Variants in ATXN10 observed in about 807,000 individuals in gnomAD.
ATXN10 encodes the protein ataxin-10.
Under a neutral mutation model 52.9 loss-of-function variants are expected in ATXN10, and 28 were observed. The ratio of observed to expected loss-of-function variants is 0.53; its 90% confidence interval spans 0.39 to 0.73. The LOEUF (loss-of-function observed/expected upper bound fraction) is 0.73, where lower values mean the gene tolerates loss of function less well. Among genes scored for constraint, ATXN10 ranks in the 30% least tolerant of loss-of-function variants. The pLI is 0.00. For missense variants in ATXN10, 565 were observed against 577.0 expected (o/e 0.98, Z 0.21); for synonymous variants, 226 against 221.5 (o/e 1.02, Z -0.18).
chr22:45,739,345 A>C (rs571806354), intron 8 of ATXN10, among the ~76,000 whole-genome samples: 1 of 152,358 alleles, frequency 6.6e-6, no homozygotes, highest in African/African-American at 2.4e-5. Flanking sequence ...AGCTGTTTGC[A>C]AAATAATTCA....
chr22:45,689,631 G>A (rs1923291129), intron 1 of ATXN10, 81 bp from the exon 2 acceptor site: 11 of 1,291,234 alleles, frequency 8.5e-6, no homozygotes, highest in African/African-American at 1.5e-5. Flanking sequence ...CACAATAGTA[G>A]ATAAAAGCAG....
chr22:45,732,319 TGTG>T lies in ATXN10; in HGVS notation c.894+2736_894+2738del, dbSNP rs1925120486. Among the ~76,000 whole-genome samples the T allele has an allele frequency of 6.7e-6, 1 of 150,118 alleles. No individual in the cohort carries two copies. Among genetic ancestry groups the T allele is most frequent in the African/African-American group, 2.4e-5 (1 of 40,948 alleles). On this transcript the variant is annotated intron_variant, in intron 7 of 11. Transcript: ENST00000252934. This position sits in a 1 kb window ranked among gnomAD's most constrained non-coding sequence, Gnocchi z 4.5. ...AAAAAAACACAAAGAATTAGCTGGG[TGTG>T]GTGGTGTGTGCCTGTGTTCCTAGCC...
chr22:45,679,196 G>A (rs1218239563), intron 1 of ATXN10: 1 of 152,080 alleles, frequency 6.6e-6, no homozygotes, highest in Non-Finnish European at 1.5e-5. Context: ...CCCGAGGCCA[G>A]GACTCTTATT....
chr22:45,751,751 AAAATAAAAAAAAAAT>A lies in ATXN10; in HGVS notation c.1173+11216_1173+11230del, dbSNP rs1223453477. Among the ~76,000 whole-genome samples, 84 of 95,480 alleles carry A rather than the reference AAAATAAAAAAAAAAT, an allele frequency of 8.8e-4. 1 individual carries two copies. The East Asian group carries it at 0.037, about 42-fold the overall frequency. 62.6% of individuals were successfully genotyped at this position (95,480 alleles called of 152,430 possible). A position where few individuals can be genotyped will look rare whatever the true frequency, so the allele number is the denominator to read the frequency against. ...TCTACCTTTTTCTGGAAAAAAAAAA[AAAATAAAAAAAAAAT>A]AATAATAATAATAATAATAATAAGA... On this transcript the variant is annotated intron_variant, in intron 9 of 11. Transcript: ENST00000252934.
In ATXN10 at chr22:45,843,745, T is replaced by A. The variant is rs919141538; in HGVS notation, c.*74T>A. On this transcript the variant is annotated 3_prime_UTR_variant, in exon 12 of 12. Transcript: ENST00000252934. The surrounding 1 kb of genome is among the most constrained non-coding windows in gnomAD (Gnocchi z 4.5). ...TTTCATCTTCTACCGTATGTGAAAT[T>A]GCAAGTGTTTGAAGATTTATAAGTA... The A allele has an allele frequency of 7.0e-7, 1 of 1,422,856 alleles. No homozygotes were observed. Among genetic ancestry groups the A allele is most frequent in the Non-Finnish European group, 9.9e-7 (1 of 1,013,860 alleles). 88.1% of individuals were successfully genotyped at this position (1,422,856 alleles called of 1,614,324 possible).
chr22:45,735,942 T>C (rs1925279548), intron 7 of ATXN10, among the ~76,000 whole-genome samples: 1 of 151,990 alleles, frequency 6.6e-6, no homozygotes, highest in African/African-American at 2.4e-5. Context: ...TTTTCCTGGC[T>C]GTTCTTTCGT....
chr22:45,767,835 C>G (rs1926641195), intron 9 of ATXN10, among the ~76,000 whole-genome samples: 1 of 152,154 alleles, frequency 6.6e-6, no homozygotes, highest in Non-Finnish European at 1.5e-5. Context: ...AGAAGAGCCA[C>G]AGAGAAATTA....
chr22:45,812,299 A>T (rs1329546789), intron 10 of ATXN10, among the ~76,000 whole-genome samples: 3 of 152,256 alleles, frequency 2.0e-5, no homozygotes, highest in African/African-American at 7.2e-5. Flanking sequence ...GCAGGGATCA[A>T]GTTTTCTGTG....
chr22:45,811,589 AG>A lies in ATXN10; in HGVS notation c.1237+4570del, dbSNP rs1351296584. ...TACAGTTCTATAGTCTAGAAGCAGT[AG>A]GGTATACCATACCGCCTGGGTGTGT... On this transcript the variant is annotated intron_variant, in intron 10 of 11. Coordinates refer to ENST00000252934, the MANE Select transcript of ATXN10 (RefSeq NM_013236.4). 9 of 391,090 alleles carry A rather than the reference AG, an allele frequency of 2.3e-5. No homozygotes were observed. The Admixed American group carries it at 2.7e-4, about 12-fold the overall frequency. 24.2% of individuals were successfully genotyped at this position (391,090 alleles called of 1,614,324 possible). A position where few individuals can be genotyped will look rare whatever the true frequency, so the allele number is the denominator to read the frequency against.
chr22:45,815,931 C>G (rs1928444192), intron 10 of ATXN10, among the ~76,000 whole-genome samples: 1 of 152,180 alleles, frequency 6.6e-6, no homozygotes, highest in Non-Finnish European at 1.5e-5. Context: ...TACTGAGCAT[C>G]TAGCACGTAG....
intron 1 of ATXN10, 108 bp downstream of exon 1, chr22:45,672,287 G>C: frequency 8.6e-7 from 1 of 1,165,618 alleles, no homozygotes; most frequent in Non-Finnish European, 1.1e-6. Context: ...TGGAGACGCG[G>C]AGGGCGAGGC....
At position 45,704,310 on chromosome 22, in the gene ATXN10, TAAAA is replaced by T. The variant is rs150976871; in HGVS notation, c.647+1472_647+1475del. On this transcript the variant is annotated intron_variant, in intron 5 of 11. Transcript: ENST00000252934. The stretch of plus-strand genomic sequence containing the variant: ...TTTTAGGATCAACTTTTCAATTTGT[TAAAA>T]AAAAAAAACAGCTGGAATTTTGATA... 7.0e-5 allele frequency among the ~76,000 whole-genome samples: 10 copies of T among 143,452 alleles called. No individual in the cohort carries two copies. In the South Asian group the frequency reaches 1.8e-3, roughly 25 times the overall value. 94.1% of individuals were successfully genotyped at this position (143,452 alleles called of 152,430 possible).
rs1289010606 is a variant in ATXN10 at position 45,690,388 on chromosome 22, GTC to G, written c.308+491_308+492del. On this transcript the variant is annotated intron_variant, in intron 2 of 11. Coordinates refer to ENST00000252934, the MANE Select transcript of ATXN10 (RefSeq NM_013236.4). The surrounding 1 kb of genome is among the most constrained non-coding windows in gnomAD (Gnocchi z 4.5). ...GCCCTCTACAGGCCTTGCCATTGGA[GTC>G]TCTCTGACTAGTGTATAAAATAATG... Among the ~76,000 whole-genome samples, 1 of 152,130 alleles carries G rather than the reference GTC, an allele frequency of 6.6e-6. No individual in the cohort carries two copies. Among genetic ancestry groups the G allele is most frequent in the Non-Finnish European group, 1.5e-5 (1 of 68,030 alleles).
rs1320966698 is a variant in ATXN10 at position 45,786,749 on chromosome 22, A to G, written c.1174-20210A>G. Among the ~76,000 whole-genome samples the G allele has an allele frequency of 7.2e-5, 11 of 152,356 alleles. No homozygotes were observed. The highest frequency in any genetic ancestry group is 3.9e-4 in the East Asian group (2 of 5,188). ...CCCAAAGAACATTTTTTACCTATCA[A>G]AAAAGCAACTTTAAAAATCTGCAGC... On this transcript the variant is annotated intron_variant, in intron 9 of 11. Transcript: ENST00000252934. This position sits in a 1 kb window ranked among gnomAD's most constrained non-coding sequence, Gnocchi z 4.1.
chr22:45,741,041 T>C (rs544504721), intron 9 of ATXN10, among the ~76,000 whole-genome samples: 3 of 152,272 alleles, frequency 2.0e-5, no homozygotes, highest in East Asian at 1.9e-4. Context: ...GGTAGTTATA[T>C]TGAGAATGTG....
intron 10 of ATXN10, chr22:45,811,557 C>T (rs1215505053): frequency 2.9e-6 from 1 of 348,268 alleles, no homozygotes; most frequent in African/African-American, 2.2e-5. Context: ...AGTACAGTTA[C>T]ATGCTATACA....
At position 45,705,031 on chromosome 22, in the gene ATXN10, G is replaced by T. The variant is rs971782834; in HGVS notation, c.647+2184G>T. 2.6e-5 allele frequency among the ~76,000 whole-genome samples: 4 copies of T among 152,100 alleles called. No homozygotes were observed. Among genetic ancestry groups the T allele is most frequent in the Non-Finnish European group, 5.9e-5 (4 of 68,010 alleles). ...TTGTGTCTGTTGAGATAGTCATATGGCTTTGTCTTTTAGTCTATTAATACT... is the reference window on the plus strand; with the variant it reads ...TTGTGTCTGTTGAGATAGTCATATGTCTTTGTCTTTTAGTCTATTAATACT... On this transcript the variant is annotated intron_variant, in intron 5 of 11. Transcript: ENST00000252934. This position sits in a 1 kb window ranked among gnomAD's most constrained non-coding sequence, Gnocchi z 5.2.
intron 10 of ATXN10, among the ~76,000 whole-genome samples, chr22:45,834,046 A>G (rs997801832): frequency 1.3e-5 from 2 of 152,200 alleles, no homozygotes; most frequent in African/African-American, 4.8e-5. Flanking sequence ...ATGCTTTCAC[A>G]CTTAGAACAG....
chr22:45,769,290 T>G lies in ATXN10; in HGVS notation c.1173+28752T>G, dbSNP rs944724422. ...GTGCAGATGGGCGCCGTTCATCCCC[T>G]CTCCCCCATACAGACACATTTTTGT... On this transcript the variant is annotated intron_variant, in intron 9 of 11. Transcript: ENST00000252934. The surrounding 1 kb of genome is among the most constrained non-coding windows in gnomAD (Gnocchi z 4.2). Among the ~76,000 whole-genome samples the G allele has an allele frequency of 6.6e-6, 1 of 152,052 alleles. No homozygotes were observed. The highest frequency in any genetic ancestry group is 2.4e-5 in the African/African-American group (1 of 41,390).
Sources: allele counts gnomAD v4.1 joint callset (sites outside exome capture counted in the v4.1 genomes callset), GRCh38; gene constraint gnomAD v4.1.1; non-coding constraint Gnocchi (gnomAD v3.1); transcripts MANE v1.5; gene names NCBI Gene and HGNC (gene_info 2026-07-23, HGNC 2026-07-21).